Variants in TBC1D8 observed in about 807,000 individuals in gnomAD.
TBC1D8 encodes TBC1 domain family member 8, also known as BUB2-like protein 1.
Under a neutral mutation model 118.8 loss-of-function variants are expected in TBC1D8, and 65 were observed. The ratio of observed to expected loss-of-function variants is 0.55; its 90% CI spans 0.45 to 0.67. The LOEUF is 0.67. TBC1D8 is among the 30% of genes least tolerant of loss of function. The pLI is 0.00. For synonymous variants in TBC1D8, 566 were observed against 595.8 expected (o/e 0.95, Z 0.73); for missense variants, 1,376 against 1,471.2 (o/e 0.94, Z 1.06).
rs998922470 is a variant in TBC1D8, at chr2:101,059,186, C to T, written c.402+235G>A. Among the ~76,000 whole-genome samples, 14 of 148,222 alleles carry T rather than the reference C, an allele frequency of 9.4e-5. No individual in the cohort carries two copies. In the South Asian group the frequency reaches 3.0e-3, roughly 32 times the overall value. Reference sequence around the variant, plus strand: ...CCTCCCAAAGTGCTGGGATTACAGGCGTGAGCCACCGTGCCCAGCCAAGTC... The same window carrying T: ...CCTCCCAAAGTGCTGGGATTACAGGTGTGAGCCACCGTGCCCAGCCAAGTC... On this transcript the variant is annotated intron_variant, in intron 3 of 19. Coordinates refer to ENST00000409318, the MANE Select transcript of TBC1D8 (RefSeq NM_001330348.2).
intron 2 of TBC1D8, among the ~76,000 whole-genome samples, chr2:101,064,802 A>G (rs947162454): frequency 2.0e-5 from 3 of 152,226 alleles, no homozygotes; most frequent in African/African-American, 7.2e-5. Flanking sequence ...GATGCCTGAC[A>G]TGTGTCAGGA....
chr2:101,112,048 A>T (rs144676077), intron 1 of TBC1D8, among the ~76,000 whole-genome samples: 1 of 152,238 alleles, frequency 6.6e-6, no homozygotes, highest in African/African-American at 2.4e-5. Context: ...CTGAACACAG[A>T]TGTGCTCTGG....
At chr2:101,055,432 T>TATAA (rs1249095208) in intron 3 of TBC1D8, among the ~76,000 whole-genome samples, 1 of 152,036 alleles carries the variant, frequency 6.6e-6, no homozygotes, top group Non-Finnish European at 1.5e-5. Context: ...TCTTCCTTAT[T>TATAA]AGGTTCAAAA....
intron 1 of TBC1D8, among the ~76,000 whole-genome samples, chr2:101,139,616 C>T (rs1679013008): frequency 1.3e-5 from 2 of 152,188 alleles, no homozygotes; most frequent in South Asian, 4.1e-4. Context: ...TCCTCCTCTA[C>T]AGGCCTTTCT....
chr2:101,115,235 C>T (rs1199847308), intron 1 of TBC1D8, among the ~76,000 whole-genome samples: 1 of 152,184 alleles, frequency 6.6e-6, no homozygotes, highest in East Asian at 1.9e-4. Context: ...CCAACATCCA[C>T]AAACAGACAA....
At chr2:101,075,150 A>G (rs1385290233) in intron 2 of TBC1D8, among the ~76,000 whole-genome samples, 1 of 152,194 alleles carries the variant, frequency 6.6e-6, no homozygotes, top group East Asian at 1.9e-4. Flanking sequence ...TAATCCCAGC[A>G]CTTTGGGAGG....
chr2:101,054,685 T>G (rs1682306819), intron 3 of TBC1D8, among the ~76,000 whole-genome samples: 1 of 130,392 alleles, frequency 7.7e-6, no homozygotes, highest in Non-Finnish European at 1.6e-5. Context: ...TTTTTTTTTT[T>G]TTTTTTTTTT....
At chr2:101,107,112 C>A (rs1011905235) in intron 1 of TBC1D8, among the ~76,000 whole-genome samples, 3 of 152,086 alleles carry the variant, frequency 2.0e-5, no homozygotes, top group African/African-American at 7.2e-5. Context: ...GATGGCAGAG[C>A]GTGAGAGCCA....
In TBC1D8 at chr2:101,022,498, G is replaced by A. The variant is rs775407523; in HGVS notation, c.2544C>T (p.Tyr848=). ...AGGCCATGGGCCTGGGCTGCTCCCA[G>A]TAACAGCTCATCATATGTTCTCTCT... is the stretch of plus-strand genomic sequence containing the variant. The part of the protein sequence containing the change: ...LFKREHMMSC[Y]WEQPRPMASR... Residue 848 remains tyrosine, a synonymous_variant, in exon 16 of 20, where the codon TAC becomes TAT. Coordinates refer to ENST00000409318, the MANE Select transcript of TBC1D8 (RefSeq NM_001330348.2). The A allele has an allele frequency of 6.3e-7, 1 of 1,597,338 alleles. No homozygotes were observed. The highest frequency in any genetic ancestry group is 8.5e-7 in the Non-Finnish European group (1 of 1,175,602).
chr2:101,109,679 C>T (rs537290996), intron 1 of TBC1D8, among the ~76,000 whole-genome samples: 34 of 152,316 alleles, frequency 2.2e-4, no homozygotes, highest in Admixed American at 1.4e-3. Flanking sequence ...ACCACCTTTC[C>T]GCAGATGGGA....
chr2:101,069,910 A>G (rs1179584878), intron 2 of TBC1D8, among the ~76,000 whole-genome samples: 1 of 111,100 alleles, frequency 9.0e-6, no homozygotes, highest in African/African-American at 3.9e-5. Flanking sequence ...TATACAGAGC[A>G]TGTTTACTTT....
chr2:101,078,720 A>C (rs541317623), intron 2 of TBC1D8, among the ~76,000 whole-genome samples: 87 of 150,496 alleles, frequency 5.8e-4, no homozygotes, highest in Non-Finnish European at 9.6e-4. Context: ...ATAACAAAAA[A>C]AAAAAAGGAA....
At chr2:101,118,540 C>CA (rs371419010) in intron 1 of TBC1D8, among the ~76,000 whole-genome samples, 1 of 151,420 alleles carries the variant, frequency 6.6e-6, no homozygotes, top group Non-Finnish European at 1.5e-5. Flanking sequence ...ACTAAAAATA[C>CA]AAAAAAATTA....
intron 1 of TBC1D8, among the ~76,000 whole-genome samples, chr2:101,134,860 G>A (rs1382943359): frequency 2.0e-5 from 3 of 152,200 alleles, no homozygotes; most frequent in Non-Finnish European, 2.9e-5. Context: ...GGTTGCACAT[G>A]AAGTTAAAAC....
At chr2:101,118,696 CAAAAA>C (rs36069912) in intron 1 of TBC1D8, among the ~76,000 whole-genome samples, 1 of 80,564 alleles carries the variant, frequency 1.2e-5, no homozygotes, top group Non-Finnish European at 2.5e-5. Context: ...AACTCCATCT[CAAAAA>C]AAAAAAAAAA....
At chr2:101,070,705 G>A (rs1027819383) in intron 2 of TBC1D8, among the ~76,000 whole-genome samples, 19 of 152,092 alleles carry the variant, frequency 1.2e-4, no homozygotes, top group African/African-American at 4.1e-4. Flanking sequence ...GAGCCATCGC[G>A]CCCAGCCAAC....
chr2:101,081,684 T>C (rs1221855200), intron 2 of TBC1D8, among the ~76,000 whole-genome samples: 2 of 152,164 alleles, frequency 1.3e-5, no homozygotes, highest in African/African-American at 2.4e-5. Flanking sequence ...ATGCCTCAGT[T>C]AATCTACAGG....
chr2:101,076,975 T>C (rs1376537599), intron 2 of TBC1D8, among the ~76,000 whole-genome samples: 1 of 152,192 alleles, frequency 6.6e-6, no homozygotes, highest in Non-Finnish European at 1.5e-5. Context: ...ACATTTCACA[T>C]GGTGGGAGCA....
chr2:101,123,401 CT>C (rs1166293451), intron 1 of TBC1D8, among the ~76,000 whole-genome samples: 1 of 152,124 alleles, frequency 6.6e-6, no homozygotes, highest in African/African-American at 2.4e-5. Flanking sequence ...CAAATTAGCA[CT>C]GTGGCTAATT....
Sources: gnomAD v4.1 joint callset for allele counts (sites outside exome capture counted in the v4.1 genomes callset) on GRCh38, gnomAD v4.1.1 for gene constraint, MANE v1.5 for transcripts, NCBI Gene and HGNC (gene_info 2026-07-23, HGNC 2026-07-21) for gene names.